SBF2: variants seen among roughly 807,000 people sequenced by gnomAD.
SBF2 encodes the protein myotubularin-related protein 13.
Under a neutral mutation model 225.2 loss-of-function variants are expected in SBF2, and 112 were observed. That is an observed-to-expected ratio of 0.50 (90% CI 0.43 to 0.58). SBF2 has a LOEUF of 0.58. Ranked by LOEUF, SBF2 falls within the 20% of genes least tolerant of loss-of-function variation. The pLI is 0.00. For missense variants in SBF2, 1,996 were observed against 2,206.2 expected (o/e 0.90, Z 1.91); for synonymous variants, 763 against 773.3 (o/e 0.99, Z 0.22).
intron 16 of SBF2, among the ~76,000 whole-genome samples, chr11:9,920,836 A>G (rs535763324): frequency 7.2e-5 from 11 of 152,220 alleles, no homozygotes; most frequent in Admixed American, 2.0e-4. Flanking sequence ...GAAGCATGAC[A>G]TGGAGAGAGA....
At chr11:10,126,934 C>T (rs76422895) in intron 2 of SBF2, among the ~76,000 whole-genome samples, 2 of 151,898 alleles carry the variant, frequency 1.3e-5, no homozygotes, top group Non-Finnish European at 2.9e-5. Context: ...AAGTAAGACA[C>T]AAGAGATCAA....
intron 2 of SBF2, among the ~76,000 whole-genome samples, chr11:10,130,632 TAAATA>T (rs987403871): frequency 2.0e-5 from 3 of 152,138 alleles, no homozygotes; most frequent in African/African-American, 7.2e-5. Context: ...TCACAATCAA[TAAATA>T]AAACTATTCT....
chr11:10,209,699 TC>T (rs1957866273), intron 1 of SBF2, among the ~76,000 whole-genome samples: 1 of 152,128 alleles, frequency 6.6e-6, no homozygotes, highest in South Asian at 2.1e-4. Flanking sequence ...CTTCTCTCCC[TC>T]CATTCTCTAT....
chr11:10,235,098 T>C (rs1362692332), intron 1 of SBF2, among the ~76,000 whole-genome samples: 4 of 152,214 alleles, frequency 2.6e-5, no homozygotes, highest in Non-Finnish European at 5.9e-5. Flanking sequence ...CTTATAAAGA[T>C]TGAAATGAGA....
chr11:10,232,453 C>G (rs1439864601), intron 1 of SBF2, among the ~76,000 whole-genome samples: 1 of 152,200 alleles, frequency 6.6e-6, no homozygotes, highest in Non-Finnish European at 1.5e-5. Context: ...TGGCTCCACC[C>G]CTCAGTACAC....
chr11:9,879,538 G>A (rs1859560740), intron 17 of SBF2, among the ~76,000 whole-genome samples: 1 of 152,138 alleles, frequency 6.6e-6, no homozygotes, highest in Non-Finnish European at 1.5e-5. Flanking sequence ...GCCAGCTGGA[G>A]GACCTGGGCT....
chr11:10,143,724 GT>G lies in SBF2; in HGVS notation c.141+50177del, dbSNP rs200454034. ...TATTAACAACTGGGTTTTTGCTTTT[GT>G]TTTTTTTTTTTAGACGAAGTCTCGC... is the stretch of plus-strand genomic sequence containing the variant. On this transcript the variant is annotated intron_variant, in intron 2 of 39. Transcript: ENST00000256190. 3.0e-3 allele frequency among the ~76,000 whole-genome samples: 428 copies of G among 143,118 alleles called. 1 individual carries two copies. The highest frequency in any genetic ancestry group is 8.2e-3 in the African/African-American group (323 of 39,336). 93.9% of individuals were successfully genotyped at this position (143,118 alleles called of 152,430 possible).
chr11:10,008,027 G>A (rs562705033), intron 6 of SBF2, among the ~76,000 whole-genome samples: 40 of 152,328 alleles, frequency 2.6e-4, no homozygotes, highest in Admixed American at 1.8e-3. Context: ...ATTCCATTAT[G>A]GAGGTGGCCC....
In SBF2 at chr11:9,943,589, T is replaced by C. The variant is rs140620041; in HGVS notation, c.1860+18368A>G. The stretch of plus-strand genomic sequence containing the variant: ...GCAAAAGAAGCAAAAGGCATTTCCT[T>C]ACACAGAAAACATGCAAAGCCAATG... On this transcript the variant is annotated intron_variant, in intron 16 of 39. Coordinates refer to ENST00000256190, the MANE Select transcript of SBF2 (RefSeq NM_030962.4). Among the ~76,000 whole-genome samples, 576 of 152,212 alleles carry C rather than the reference T, an allele frequency of 3.8e-3. 4 individuals carry two copies. The highest frequency in any genetic ancestry group is 5.4e-3 in the South Asian group (26 of 4,816).
intron 22 of SBF2, among the ~76,000 whole-genome samples, chr11:9,849,316 G>C (rs1478867027): frequency 6.6e-6 from 1 of 152,200 alleles, no homozygotes; most frequent in Non-Finnish European, 1.5e-5. Context: ...AGTGATTTAA[G>C]TCACTGAGCT....
At chr11:9,956,646 G>A (rs184671867) in intron 16 of SBF2, 2 of 148,728 alleles carry the variant, frequency 1.3e-5, no homozygotes, top group Non-Finnish European at 3.0e-5. Context: ...TTTGTTTATA[G>A]TAAGGAGTTG....
At chr11:9,916,981 C>G (rs891008716) in intron 16 of SBF2, among the ~76,000 whole-genome samples, 1 of 151,626 alleles carries the variant, frequency 6.6e-6, no homozygotes, top group Admixed American at 6.6e-5. Context: ...CCACCCTTAT[C>G]AACCAAATGG....
chr11:10,136,824 T>C (rs1004159105), intron 2 of SBF2, among the ~76,000 whole-genome samples: 1 of 152,264 alleles, frequency 6.6e-6, no homozygotes, highest in South Asian at 2.1e-4. Context: ...TGTTTTTCTT[T>C]TATTATCTTT....
chr11:10,091,907 G>A (rs1361764716), intron 2 of SBF2, among the ~76,000 whole-genome samples: 1 of 152,122 alleles, frequency 6.6e-6, no homozygotes, highest in African/African-American at 2.4e-5. Flanking sequence ...TTGCTTCCCT[G>A]ATTTCTCTTA....
chr11:10,045,407 T>C (rs935378365), intron 2 of SBF2, among the ~76,000 whole-genome samples: 1 of 152,142 alleles, frequency 6.6e-6, no homozygotes. Flanking sequence ...CTTCAAGTGA[T>C]CCACCCGCCT....
intron 37 of SBF2, 166 bp downstream of exon 37, chr11:9,784,959 T>C (rs1443721268): frequency 3.2e-5 from 23 of 718,342 alleles, no homozygotes; most frequent in Non-Finnish European, 5.4e-5. Flanking sequence ...TTTTTGTTTT[T>C]TGTCTTTTCA....
chr11:10,236,761 C>T (rs780475095), intron 1 of SBF2, among the ~76,000 whole-genome samples: 11 of 152,190 alleles, frequency 7.2e-5, no homozygotes, highest in Non-Finnish European at 1.6e-4. Flanking sequence ...CACGCCCAGA[C>T]TCGAGTCTGT....
intron 16 of SBF2, among the ~76,000 whole-genome samples, chr11:9,921,697 T>C (rs1396489836): frequency 1.3e-5 from 2 of 149,106 alleles, no homozygotes; most frequent in Non-Finnish European, 3.0e-5. Flanking sequence ...GAAATATGCT[T>C]GTGTTACTTA....
chr11:10,273,001 CAG>C (rs1390142343), intron 1 of SBF2, among the ~76,000 whole-genome samples: 1 of 151,674 alleles, frequency 6.6e-6, no homozygotes, highest in Non-Finnish European at 1.5e-5. Context: ...ACCTGGGAGA[CAG>C]AGGTTGCAGT....
Sources: allele counts gnomAD v4.1 joint callset (sites outside exome capture counted in the v4.1 genomes callset), GRCh38; gene constraint gnomAD v4.1.1; transcripts MANE v1.5; gene names NCBI Gene and HGNC (gene_info 2026-07-23, HGNC 2026-07-21).